ERBB4: variants seen among roughly 807,000 people sequenced by gnomAD.
The protein encoded by ERBB4 is erb-b2 receptor tyrosine kinase 4.
ERBB4 carries 42 observed loss-of-function variants against 158.0 expected under a neutral mutation model. The observed-to-expected ratio is 0.27, with a 90% CI of 0.21 to 0.34. The LOEUF (loss-of-function observed/expected upper bound fraction) is 0.34, where lower values mean the gene tolerates loss of function less well. Ranked by LOEUF, ERBB4 falls within the 10% of genes least tolerant of loss-of-function variation. The pLI, the probability that ERBB4 is intolerant of heterozygous loss-of-function variation, is 1.00. For synonymous variants in ERBB4, 583 were observed against 558.7 expected (o/e 1.04, Z -0.61); for missense variants, 1,333 against 1,624.1 (o/e 0.82, Z 3.08).
intron 25 of ERBB4, among the ~76,000 whole-genome samples, chr2:211,388,888 T>C (rs1287127262): frequency 6.6e-6 from 1 of 152,220 alleles, no homozygotes; most frequent in African/African-American, 2.4e-5. Context: ...CTACTGTCTA[T>C]GTGCCAGGCA....
At chr2:212,303,805 C>G (rs2086708927) in intron 1 of ERBB4, among the ~76,000 whole-genome samples, 1 of 151,420 alleles carries the variant, frequency 6.6e-6, no homozygotes, top group African/African-American at 2.4e-5. Flanking sequence ...CATGTTTTCC[C>G]TGAGACACTT....
At chr2:211,917,801 T>G (rs2079741519) in intron 3 of ERBB4, among the ~76,000 whole-genome samples, 1 of 152,214 alleles carries the variant, frequency 6.6e-6, no homozygotes, top group African/African-American at 2.4e-5. Context: ...GGGTTTTGCC[T>G]GAACTGAGCA....
intron 2 of ERBB4, among the ~76,000 whole-genome samples, chr2:211,972,585 C>T (rs1374776924): frequency 6.6e-6 from 1 of 152,056 alleles, no homozygotes; most frequent in South Asian, 2.1e-4. Flanking sequence ...GAATAGAGAA[C>T]CCAGAAAAAA....
chr2:211,592,661 T>TA (rs545402825), intron 19 of ERBB4, among the ~76,000 whole-genome samples: 2 of 152,100 alleles, frequency 1.3e-5, no homozygotes, highest in South Asian at 2.1e-4. Flanking sequence ...GGATGAAGCA[T>TA]AAAAAGAGGT....
chr2:212,021,822 C>T (rs2076657778), intron 2 of ERBB4, among the ~76,000 whole-genome samples: 1 of 150,516 alleles, frequency 6.6e-6, no homozygotes. Flanking sequence ...ATTTCTTAAA[C>T]AAATTTACAA....
intron 20 of ERBB4, among the ~76,000 whole-genome samples, chr2:211,551,887 A>T (rs560962913): frequency 2.0e-5 from 3 of 152,330 alleles, no homozygotes; most frequent in African/African-American, 7.2e-5. Context: ...AAAAATGGAA[A>T]AGAGGAAAGA....
At chr2:211,467,431 G>C (rs975581654) in intron 20 of ERBB4, among the ~76,000 whole-genome samples, 2 of 152,110 alleles carry the variant, frequency 1.3e-5, no homozygotes, top group Non-Finnish European at 2.9e-5. Flanking sequence ...TCAATATTAG[G>C]TGTGTTGTTT....
intron 20 of ERBB4, among the ~76,000 whole-genome samples, chr2:211,508,457 A>C (rs2065804328): frequency 6.6e-6 from 1 of 152,202 alleles, no homozygotes. Flanking sequence ...AATGGTGATT[A>C]TTAAAAAGTC....
intron 12 of ERBB4, among the ~76,000 whole-genome samples, chr2:211,683,396 A>G (rs2072435613): frequency 6.6e-6 from 1 of 152,100 alleles, no homozygotes; most frequent in East Asian, 1.9e-4. Flanking sequence ...CATTACTATA[A>G]TTTGGTAATT....
intron 17 of ERBB4, among the ~76,000 whole-genome samples, chr2:211,629,075 T>A (rs1276008116): frequency 2.6e-5 from 4 of 152,174 alleles, no homozygotes; most frequent in Non-Finnish European, 5.9e-5. Context: ...ATATTAGCCC[T>A]TTGTCAGATG....
chr2:211,444,726 A>C (rs1191839741), intron 20 of ERBB4, among the ~76,000 whole-genome samples: 1 of 152,054 alleles, frequency 6.6e-6, no homozygotes, highest in Non-Finnish European at 1.5e-5. Context: ...ACAATCTTTT[A>C]TTGAATAGAA....
At chr2:211,846,831 A>C (rs1034415396) in intron 3 of ERBB4, among the ~76,000 whole-genome samples, 1 of 152,168 alleles carries the variant, frequency 6.6e-6, no homozygotes, top group East Asian at 1.9e-4. Context: ...AGTTTAAAAA[A>C]ATCCATCTTA....
intron 25 of ERBB4, among the ~76,000 whole-genome samples, chr2:211,394,678 G>C (rs1559124826): frequency 2.0e-5 from 3 of 152,004 alleles, no homozygotes. Context: ...GTAAATTCTG[G>C]AGTAGCCTAA....
At chr2:211,909,462 C>T (rs2079485028) in intron 3 of ERBB4, among the ~76,000 whole-genome samples, 1 of 151,782 alleles carries the variant, frequency 6.6e-6, no homozygotes, top group African/African-American at 2.4e-5. Context: ...CTATTACACA[C>T]TTAGGAGAAA....
intron 25 of ERBB4, among the ~76,000 whole-genome samples, chr2:211,402,420 T>G (rs939836030): frequency 6.6e-6 from 1 of 152,070 alleles, no homozygotes; most frequent in Non-Finnish European, 1.5e-5. Flanking sequence ...AAATTCTTAC[T>G]GAAAAGTGAC....
chr2:211,518,293 C>G (rs1039093747), intron 20 of ERBB4, among the ~76,000 whole-genome samples: 2 of 151,938 alleles, frequency 1.3e-5, no homozygotes, highest in Non-Finnish European at 2.9e-5. Flanking sequence ...TAAGTGTTAG[C>G]TATTATTATT....
At chr2:212,471,277 T>C (rs1049035225) in intron 1 of ERBB4, among the ~76,000 whole-genome samples, 4 of 152,150 alleles carry the variant, frequency 2.6e-5, no homozygotes, top group Non-Finnish European at 5.9e-5. Context: ...ACTTAAATAG[T>C]ATTGTGCTCA....
At chr2:211,385,577 T>A (rs1362221495) in intron 27 of ERBB4, among the ~76,000 whole-genome samples, 1 of 152,298 alleles carries the variant, frequency 6.6e-6, no homozygotes, top group East Asian at 1.9e-4. Flanking sequence ...AACTTCTTAA[T>A]TGAAAGAATA....
At chr2:211,925,376 C>CTTTTTTTT (rs71054150) in intron 3 of ERBB4, among the ~76,000 whole-genome samples, 6 of 81,576 alleles carry the variant, frequency 7.4e-5, no homozygotes, top group Admixed American at 1.6e-4. Context: ...AACAAGACTG[C>CTTTTTTTT]TTTTTTTTTT....
Sources: gnomAD v4.1 joint callset for allele counts (sites outside exome capture counted in the v4.1 genomes callset) on GRCh38, gnomAD v4.1.1 for gene constraint, MANE v1.5 for transcripts, NCBI Gene and HGNC (gene_info 2026-07-23, HGNC 2026-07-21) for gene names.